Variants in AGBL1 observed in about 807,000 individuals in gnomAD.
The protein encoded by AGBL1 is cytosolic carboxypeptidase 4.
AGBL1 carries 130 observed loss-of-function variants against 118.9 expected under a neutral mutation model. The ratio of observed to expected loss-of-function variants is 1.09; its 90% confidence interval spans 0.95 to 1.26. AGBL1 has a LOEUF of 1.26. Among genes scored for constraint, AGBL1 ranks in the 50% most tolerant of loss-of-function variants. The probability of loss-of-function intolerance (pLI) is 0.00; values close to 1 mark genes in which losing one functional copy is unlikely to be tolerated. For missense variants in AGBL1, 1,584 were observed against 1,298.1 expected, an observed-to-expected ratio of 1.22 and a Z score of -3.38; for synonymous variants, 555 against 478.9, an observed-to-expected ratio of 1.16 and a Z score of -2.08.
At chr15:86,097,040 G>T (rs1896422260) in intron 1 of AGBL1, among the ~76,000 whole-genome samples, 1 of 152,086 alleles carries the variant, frequency 6.6e-6, no homozygotes, top group African/African-American at 2.4e-5. Flanking sequence ...GCTCAAACCT[G>T]CAGACTCACT....
chr15:86,943,784 A>G (rs557844759), intron 23 of AGBL1, among the ~76,000 whole-genome samples: 1 of 152,142 alleles, frequency 6.6e-6, no homozygotes, highest in Non-Finnish European at 1.5e-5. Context: ...CTATGCTTGC[A>G]GCTTGATTTT....
At chr15:86,869,553 T>C (rs973523423) in intron 22 of AGBL1, among the ~76,000 whole-genome samples, 1 of 152,078 alleles carries the variant, frequency 6.6e-6, no homozygotes, top group African/African-American at 2.4e-5. Flanking sequence ...ATGAGGGGCA[T>C]ATTTCATAGG....
At chr15:86,339,451 C>T (rs1382202518) in intron 17 of AGBL1, among the ~76,000 whole-genome samples, 1 of 152,096 alleles carries the variant, frequency 6.6e-6, no homozygotes, top group Non-Finnish European at 1.5e-5. Context: ...CATCTTTCTC[C>T]TCTAATTTGG....
At chr15:86,604,640 A>C (rs2084545557) in intron 21 of AGBL1, among the ~76,000 whole-genome samples, 1 of 152,088 alleles carries the variant, frequency 6.6e-6, no homozygotes, top group African/African-American at 2.4e-5. Context: ...ACATATACCA[A>C]CCTCAATTAA....
intron 5 of AGBL1, 102 bp from the exon 6 acceptor site, chr15:86,224,811 TG>T: frequency 9.5e-7 from 1 of 1,057,990 alleles, no homozygotes; most frequent in Non-Finnish European, 1.4e-6. Context: ...TGGTTAATCA[TG>T]GGTCTGTTAT....
rs1596649601 is a variant in AGBL1 at position 86,935,206 on chromosome 15, G to A, written c.3222-52781G>A. 4 of 152,226 alleles carry A rather than the reference G, an allele frequency of 2.6e-5. No homozygotes were observed. The South Asian group carries it at 8.3e-4, about 31-fold the overall frequency. The allele number at this position is 152,226 out of a possible 1,614,324, so 9.4% of individuals were successfully genotyped here. On this transcript the variant is annotated intron_variant, in intron 23 of 24. Coordinates refer to the AGBL1 transcript ENST00000441037. ...GTTCTTGTGCCTGGTGAGTCCCGTT[G>A]TCAGGTCTTGTTGTGACCCCAGAGA... is the stretch of plus-strand genomic sequence containing the variant.
Position 86,154,537 on chromosome 15 carries a change from G to A in AGBL1, c.370G>A (p.Ala124Thr). The A allele has an allele frequency of 1.2e-6, 2 of 1,611,962 alleles. No individual in the cohort carries two copies. The highest frequency in any genetic ancestry group is 1.7e-6 in the Non-Finnish European group (2 of 1,178,928). ...HGQNLLHCLW[A>T]LRVFASSVSM... ...CCAGAATCTCCTCCACTGTCTCTGG[G>A]CTCTGCGTGTGTTTGCCTCCAGTGG... The change falls in exon 4 of 23, where the codon GCT (alanine) becomes ACT (threonine). Residue 124 changes from alanine (A) to threonine (T), a missense_variant. Physicochemically the swap from Ala to Thr is moderately conservative, Grantham distance 58. Coordinates refer to ENST00000614907, the MANE Select transcript of AGBL1 (RefSeq NM_001386094.1).
intron 18 of AGBL1, among the ~76,000 whole-genome samples, chr15:86,519,148 A>G (rs1442781618): frequency 6.6e-6 from 1 of 152,090 alleles, no homozygotes; most frequent in African/African-American, 2.4e-5. Context: ...ACCCACCTCC[A>G]TGGATATCAA....
At position 86,522,893 on chromosome 15, in the gene AGBL1, C is replaced by T. The variant is rs908931775; in HGVS notation, c.2639C>T (p.Ala880Val). 1 of 1,613,858 alleles carries T rather than the reference C, an allele frequency of 6.2e-7. No homozygotes were observed. The highest frequency in any genetic ancestry group is 1.7e-5 in the Admixed American group (1 of 60,008). Residue 880 changes from alanine (A) to valine (V), a missense_variant, in exon 19 of 23, where the codon GCC becomes GTC. Physicochemically the swap from Ala to Val is moderately conservative, Grantham distance 64. Coordinates refer to ENST00000614907, the MANE Select transcript of AGBL1 (RefSeq NM_001386094.1). ...SAHLQPTIYH[A>V]KGLLYHLSSI... The stretch of plus-strand genomic sequence containing the variant: ...CATCTGCAGCCAACCATTTACCATG[C>T]CAAAGGCCTCCTCTACCACCTGAGC...
At chr15:86,802,278 CA>C (rs1209898309) in intron 22 of AGBL1, among the ~76,000 whole-genome samples, 1 of 127,020 alleles carries the variant, frequency 7.9e-6, no homozygotes, top group Non-Finnish European at 2.0e-5. Context: ...ATGAGGTTTT[CA>C]TTTTTTTTTT....
intron 22 of AGBL1, among the ~76,000 whole-genome samples, chr15:86,698,154 T>G (rs987062285): frequency 2.6e-5 from 4 of 151,946 alleles, no homozygotes; most frequent in African/African-American, 9.7e-5. Flanking sequence ...CTAAACTGAT[T>G]ATGCCACAAT....
intron 21 of AGBL1, among the ~76,000 whole-genome samples, chr15:86,595,853 T>C (rs2084398255): frequency 6.6e-6 from 1 of 151,974 alleles, no homozygotes; most frequent in East Asian, 1.9e-4. Flanking sequence ...TGCTGATTGG[T>C]TGGAGATGAA....
intron 17 of AGBL1, among the ~76,000 whole-genome samples, chr15:86,311,242 G>T (rs1244872498): frequency 6.6e-6 from 1 of 152,158 alleles, no homozygotes; most frequent in African/African-American, 2.4e-5. Flanking sequence ...CATTTTTGTT[G>T]TTTCCTTTGG....
At chr15:86,868,396 A>G (rs2079667536) in intron 22 of AGBL1, among the ~76,000 whole-genome samples, 1 of 152,350 alleles carries the variant, frequency 6.6e-6, no homozygotes, top group South Asian at 2.1e-4. Flanking sequence ...TCTTGTTTAT[A>G]TAGCAATTAG....
At chr15:86,335,539 A>C (rs1407760526) in intron 17 of AGBL1, among the ~76,000 whole-genome samples, 1 of 152,226 alleles carries the variant, frequency 6.6e-6, no homozygotes, top group Non-Finnish European at 1.5e-5. Context: ...GAAGTACAAA[A>C]GATATAAATC....
chr15:86,541,022 G>T (rs1185524272), intron 19 of AGBL1, among the ~76,000 whole-genome samples: 1 of 152,300 alleles, frequency 6.6e-6, no homozygotes, highest in East Asian at 1.9e-4. Flanking sequence ...CACCAAGGAG[G>T]CATAGCTTCT....
At chr15:86,474,727 G>A (rs980371615) in intron 18 of AGBL1, among the ~76,000 whole-genome samples, 2 of 152,182 alleles carry the variant, frequency 1.3e-5, no homozygotes, top group South Asian at 2.1e-4. Flanking sequence ...GAAGACAGTA[G>A]TGGTTCTCCC....
intron 18 of AGBL1, among the ~76,000 whole-genome samples, chr15:86,408,543 C>T (rs1470541994): frequency 6.6e-6 from 1 of 152,176 alleles, no homozygotes; most frequent in East Asian, 1.9e-4. Flanking sequence ...TCCTGAGTTT[C>T]ATTCGTCACA....
intron 5 of AGBL1, among the ~76,000 whole-genome samples, chr15:86,206,625 T>C (rs191690620): frequency 3.0e-4 from 45 of 152,350 alleles, no homozygotes; most frequent in Admixed American, 2.7e-3. Context: ...TTGAGAAATG[T>C]CTTTTCATAT....
Sources: gnomAD v4.1 joint callset for allele counts (sites outside exome capture counted in the v4.1 genomes callset) on GRCh38, gnomAD v4.1.1 for gene constraint, MANE v1.5 for transcripts, NCBI Gene and HGNC (gene_info 2026-07-23, HGNC 2026-07-21) for gene names.